Variants in SPAG1 observed in about 807,000 individuals in gnomAD.
The protein encoded by SPAG1 is sperm associated antigen 1.
Under a neutral mutation model 100.5 loss-of-function variants are expected in SPAG1, and 69 were observed. That is an observed-to-expected ratio of 0.69 (90% CI 0.57 to 0.84). The LOEUF is 0.84. Among genes scored for constraint, SPAG1 ranks in the 40% least tolerant of loss-of-function variants. SPAG1 has a pLI of 0.00. For missense variants in SPAG1, 955 were observed against 1,133.1 expected, an observed-to-expected ratio of 0.84 and a Z score of 2.26; for synonymous variants, 336 against 411.6, an observed-to-expected ratio of 0.82 and a Z score of 2.22.
At chr8:100,227,465 A>G (rs1170132830) in intron 14 of SPAG1, among the ~76,000 whole-genome samples, 1 of 152,226 alleles carries the variant, frequency 6.6e-6, no homozygotes, top group Non-Finnish European at 1.5e-5. Flanking sequence ...TTGCCAAGAA[A>G]GAGCAGACAG....
At chr8:100,183,783 C>A (rs1816467486) in intron 5 of SPAG1, among the ~76,000 whole-genome samples, 173 bp from the exon 6 acceptor site, 1 of 152,080 alleles carries the variant, frequency 6.6e-6, no homozygotes, top group African/African-American at 2.4e-5. Flanking sequence ...TAAGTTCTCA[C>A]TAAATTGTAT....
chr8:100,189,588 G>C (rs1816731355), intron 8 of SPAG1, among the ~76,000 whole-genome samples: 1 of 152,202 alleles, frequency 6.6e-6, no homozygotes, highest in South Asian at 2.1e-4. Flanking sequence ...CTGGGAGGCA[G>C]AGGTTGTACT....
At chr8:100,162,983 A>T (rs1323810920) in intron 2 of SPAG1, among the ~76,000 whole-genome samples, 1 of 151,712 alleles carries the variant, frequency 6.6e-6, no homozygotes, top group Non-Finnish European at 1.5e-5. Flanking sequence ...AATAAAAAAA[A>T]TAAAAAAAGC....
intron 4 of SPAG1, among the ~76,000 whole-genome samples, chr8:100,182,114 A>T (rs1285490101): frequency 1.3e-5 from 2 of 152,220 alleles, no homozygotes; most frequent in East Asian, 3.8e-4. Context: ...TGCTATACTT[A>T]CCTTTCTTCA....
At chr8:100,201,132 T>G (rs1389899130) in intron 10 of SPAG1, among the ~76,000 whole-genome samples, 1 of 152,128 alleles carries the variant, frequency 6.6e-6, no homozygotes, top group Non-Finnish European at 1.5e-5. Flanking sequence ...CCTTCCTTTT[T>G]TTAGACAAGG....
At chr8:100,218,586 A>C (rs972419749) in intron 12 of SPAG1, among the ~76,000 whole-genome samples, 1 of 152,236 alleles carries the variant, frequency 6.6e-6, no homozygotes, top group African/African-American at 2.4e-5. Context: ...TTTTAATTTT[A>C]TATTTTAAAT....
Position 100,213,839 on chromosome 8 carries a change from C to A in SPAG1, c.1456C>A (p.Leu486Ile), listed in dbSNP as rs1432212148. Residue 486 changes from leucine (L) to isoleucine (I), a missense_variant, in exon 12 of 19, where the codon CTA (leucine) becomes ATA (isoleucine). By Grantham distance (5) the Leu-to-Ile change is conservative. Coordinates refer to ENST00000388798, the MANE Select transcript of SPAG1 (RefSeq NM_003114.5). The part of the protein sequence containing the change: ...EPAGSEIADD[L>I]SILYSNRAAC... ...TTTAGGAAGTGAAATTGCAGATGAT[C>A]TAAGTATCTTATATTCAAATAGAGC... 5.7e-6 allele frequency: 9 copies of A among 1,589,366 alleles called. No homozygotes were observed. Among genetic ancestry groups the A allele is most frequent in the Non-Finnish European group, 7.8e-6 (9 of 1,161,238 alleles).
chr8:100,177,770 T>C (rs1308261221), intron 3 of SPAG1, 46 bp from the exon 4 acceptor site: 2 of 1,162,018 alleles, frequency 1.7e-6, no homozygotes, highest in African/African-American at 3.1e-5. Context: ...TTATGCTTGG[T>C]TATAATTATT....
Position 100,190,430 on chromosome 8 carries a change from G to A in SPAG1, c.833-960G>A, listed in dbSNP as rs1181983204. ...TAATAGTTAATGATGAGTCTAGAGA[G>A]GCATTCATTGTCAGTATTAAATAAT... On this transcript the variant is annotated intron_variant, in intron 8 of 18. Transcript: ENST00000388798. Among the ~76,000 whole-genome samples, 4 of 152,046 alleles carry A rather than the reference G, an allele frequency of 2.6e-5. No homozygotes were observed. In the East Asian group the frequency reaches 7.7e-4, roughly 29 times the overall value.
intron 10 of SPAG1, among the ~76,000 whole-genome samples, chr8:100,201,529 G>A (rs1412760812): frequency 6.6e-6 from 1 of 152,120 alleles, no homozygotes; most frequent in Non-Finnish European, 1.5e-5. Flanking sequence ...GTAAATGTGT[G>A]TGGTATTACA....
chr8:100,201,547 G>A (rs1408845762), intron 10 of SPAG1, among the ~76,000 whole-genome samples: 1 of 152,194 alleles, frequency 6.6e-6, no homozygotes, highest in Non-Finnish European at 1.5e-5. Context: ...ACATATGTGT[G>A]TGTGTATATC....
At position 100,184,800 on chromosome 8, in the gene SPAG1, CAA is replaced by C. The variant is rs1236562946; in HGVS notation, c.701+68_701+69del. On this transcript the variant is annotated intron_variant, in intron 7 of 18. Transcript: ENST00000388798. ...AATGATAATGTTTTAATTGTTGAAA[CAA>C]TATAAATAAGCGAAAGTCTATGTCA... 1.0e-5 allele frequency: 9 copies of C among 893,646 alleles called. No homozygotes were observed. In the African/African-American group the frequency reaches 1.3e-4, roughly 12 times the overall value. The allele number at this position is 893,646 out of a possible 1,614,324, so 55.4% of individuals were successfully genotyped here. A position where few individuals can be genotyped will look rare whatever the true frequency, so the allele number is the denominator to read the frequency against.
At position 100,225,229 on chromosome 8, in the gene SPAG1, C is replaced by G; in HGVS notation, c.1745C>G (p.Pro582Arg). Residue 582 changes from proline (P) to arginine (R), a missense_variant, in exon 14 of 19, where the codon CCT (proline) becomes CGT (arginine). By Grantham distance (103) the Pro-to-Arg change is moderately radical. Coordinates refer to ENST00000388798, the MANE Select transcript of SPAG1 (RefSeq NM_003114.5). ...CCAAATTGGCGGGAGAAGCTGTCAC[C>G]TATTCCTGCTGTGCCTGCTTCTGTG... The part of the protein sequence containing the change: ...DGPNWREKLS[P>R]IPAVPASVPL... 1 of 1,613,770 alleles carries G rather than the reference C, an allele frequency of 6.2e-7. No homozygotes were observed. Among genetic ancestry groups the G allele is most frequent in the Non-Finnish European group, 8.5e-7 (1 of 1,179,832 alleles).
At position 100,165,855 on chromosome 8, in the gene SPAG1, G is replaced by A; in HGVS notation, c.182G>A (p.Cys61Tyr). 1 of 1,613,984 alleles carries A rather than the reference G, an allele frequency of 6.2e-7. No homozygotes were observed. Among genetic ancestry groups the A allele is most frequent in the Non-Finnish European group, 8.5e-7 (1 of 1,179,934 alleles). Residue 61 changes from cysteine (C) to tyrosine (Y), a missense_variant, in exon 3 of 19, where the codon TGT becomes TAT. By Grantham distance (194) the Cys-to-Tyr change is radical (BLOSUM62 -2). Transcript: ENST00000388798. ...EGYYPELTEF[C>Y]EKHLQALAPE... ...TATTATCCTGAACTTACAGAATTTT[G>A]TGAAAAGCATCTTCAAGCCTTGGCC...
chr8:100,203,339 A>G (rs903478388), intron 10 of SPAG1, among the ~76,000 whole-genome samples: 2 of 152,128 alleles, frequency 1.3e-5, no homozygotes, highest in African/African-American at 4.8e-5. Flanking sequence ...ATATATATAT[A>G]TATCTCCTAT....
intron 13 of SPAG1, among the ~76,000 whole-genome samples, 198 bp from the exon 14 acceptor site, chr8:100,224,975 C>CT (rs1231982494): frequency 6.6e-6 from 1 of 152,032 alleles, no homozygotes; most frequent in South Asian, 2.1e-4. Flanking sequence ...AAAAAATAGT[C>CT]TAAGTTGCAT....
rs767441538 is a variant in SPAG1 at position 100,177,824 on chromosome 8, A to G, written c.309A>G (p.Val103=). The G allele has an allele frequency of 6.7e-6, 10 of 1,501,454 alleles. No individual in the cohort carries two copies. Among genetic ancestry groups the G allele is most frequent in the African/African-American group, 1.4e-5 (1 of 72,578 alleles). 93.0% of individuals were successfully genotyped at this position (1,501,454 alleles called of 1,614,324 possible). A position where few individuals can be genotyped will look rare whatever the true frequency, so the allele number is the denominator to read the frequency against. The part of the protein sequence containing the change: ...EKIDGDIKSW[V]SEIKKEEDKM... ...CTTTTCTCTATTCTCAGAGTTGGGT[A>G]TCAGAAATTAAAAAAGAAGAAGATA... Residue 103 remains valine (V), a synonymous_variant, in exon 4 of 19, where the codon GTA becomes GTG. Transcript: ENST00000388798.
chr8:100,213,013 C>CCCGCGGCGT, intron 10 of SPAG1, 77 bp from the exon 11 acceptor site: 1 of 1,056,044 alleles, frequency 9.5e-7, no homozygotes, highest in South Asian at 1.9e-5. Flanking sequence ...GTCCTGCACC[C>CCCGCGGCGT]CCGCGGCCTC....
intron 1 of SPAG1, among the ~76,000 whole-genome samples, chr8:100,161,278 G>A (rs914495241): frequency 6.6e-6 from 1 of 152,120 alleles, no homozygotes; most frequent in African/African-American, 2.4e-5. Context: ...AGAAGGTCAG[G>A]CTGCAGTGAC....
Sources: allele counts gnomAD v4.1 joint callset (sites outside exome capture counted in the v4.1 genomes callset), GRCh38; gene constraint gnomAD v4.1.1; transcripts MANE v1.5; gene names NCBI Gene and HGNC (gene_info 2026-07-23, HGNC 2026-07-21).